The following MYRIP variants were observed in gnomAD, a reference collection of about 807,000 sequenced individuals.
MYRIP encodes myosin VIIA and Rab interacting protein.
MYRIP carries 49 observed loss-of-function variants against 98.0 expected under a neutral mutation model. The ratio of observed to expected loss-of-function variants is 0.50; its 90% CI spans 0.40 to 0.63. The LOEUF (loss-of-function observed/expected upper bound fraction) is 0.63, where lower values mean the gene tolerates loss of function less well. Ranked by LOEUF, MYRIP falls within the 30% of genes least tolerant of loss-of-function variation. The pLI is 0.00. For synonymous variants in MYRIP, 404 were observed against 409.5 expected, an observed-to-expected ratio of 0.99 and a Z score of 0.16; for missense variants, 1,004 against 1,058.2, an observed-to-expected ratio of 0.95 and a Z score of 0.71.
At chr3:40,004,126 C>T (rs578233766) in intron 2 of MYRIP, among the ~76,000 whole-genome samples, 16 of 152,322 alleles carry the variant, frequency 1.1e-4, no homozygotes, top group African/African-American at 3.8e-4. Context: ...AGTTCCTGAA[C>T]CTTCCACTGA....
At position 40,044,118 on chromosome 3, in the gene MYRIP, T is replaced by C; in HGVS notation, c.179T>C (p.Val60Ala). 1 of 1,614,174 alleles carries C rather than the reference T, an allele frequency of 6.2e-7. No individual in the cohort carries two copies. The highest frequency in any genetic ancestry group is 8.5e-7 in the Non-Finnish European group (1 of 1,180,026). The change falls in exon 3 of 17, where the codon GTG becomes GCG. Residue 60 changes from valine to alanine, a missense_variant. Val to Ala is a moderately conservative substitution (Grantham distance 64, BLOSUM62 0). Around this residue, in one of 3 missense-constraint regions of MYRIP, gnomAD observed 880 missense variants for 907.7 expected, o/e 0.97. Transcript: ENST00000302541. ...ATCCTCTCGAAGCACCAGCAGTTTGTGGAGCACTGCTGCATGCGCTGCTGC... is the reference window on the plus strand; with the variant it reads ...ATCCTCTCGAAGCACCAGCAGTTTGCGGAGCACTGCTGCATGCGCTGCTGC... ...CSILSKHQQF[V>A]EHCCMRCCSP...
chr3:40,076,386 G>T (rs1948343339), intron 3 of MYRIP, among the ~76,000 whole-genome samples: 1 of 152,276 alleles, frequency 6.6e-6, no homozygotes, highest in African/African-American at 2.4e-5. Flanking sequence ...TTTTACATTT[G>T]ACTGCATATT....
chr3:39,952,906 A>G (rs1001913383), intron 2 of MYRIP, among the ~76,000 whole-genome samples: 1 of 152,152 alleles, frequency 6.6e-6, no homozygotes, highest in Admixed American at 6.6e-5. Context: ...CACCAGGGAT[A>G]TATATGTAGG....
intron 1 of MYRIP, among the ~76,000 whole-genome samples, chr3:39,835,636 C>T (rs1809251): frequency 0.25 from 38,558 of 152,014 alleles, 5,175 homozygotes; most frequent in Middle Eastern, 0.32. Flanking sequence ...GATATATGTG[C>T]AGAACGTGCA....
At chr3:40,083,343 T>C (rs1388871776) in intron 3 of MYRIP, among the ~76,000 whole-genome samples, 1 of 152,184 alleles carries the variant, frequency 6.6e-6, no homozygotes, top group African/African-American at 2.4e-5. Context: ...AAAGGTAGAT[T>C]TGTCAGTGTT....
chr3:40,159,158 C>T (rs555955205), intron 4 of MYRIP, among the ~76,000 whole-genome samples: 53 of 152,064 alleles, frequency 3.5e-4, no homozygotes, highest in Admixed American at 9.8e-4. Flanking sequence ...ATGTTTAGTG[C>T]TTCCTTCAGG....
chr3:40,205,793 G>T (rs987782546), intron 10 of MYRIP, among the ~76,000 whole-genome samples: 1 of 150,592 alleles, frequency 6.6e-6, no homozygotes, highest in Middle Eastern at 3.2e-3. Flanking sequence ...TCCCTTTGAA[G>T]TAGAAGAGCA....
chr3:40,120,323 G>A (rs1426012137), intron 3 of MYRIP, among the ~76,000 whole-genome samples: 1 of 152,096 alleles, frequency 6.6e-6, no homozygotes, highest in Non-Finnish European at 1.5e-5. Flanking sequence ...AACCAGCTAG[G>A]AGCTTAATTT....
chr3:40,247,033 A>T (rs1953228726), intron 13 of MYRIP, among the ~76,000 whole-genome samples: 1 of 152,236 alleles, frequency 6.6e-6, no homozygotes, highest in Non-Finnish European at 1.5e-5. Context: ...AGATATATTA[A>T]GTAGAATCAA....
In MYRIP at chr3:39,973,551, C is replaced by A. The variant is rs139226848; in HGVS notation, c.111-70499C>A. 5.5e-3 allele frequency among the ~76,000 whole-genome samples: 830 copies of A among 152,234 alleles called. 7 individuals carry two copies. Among genetic ancestry groups the A allele is most frequent in the East Asian group, 0.036 (189 of 5,180 alleles). Reference sequence around the variant, plus strand: ...TGAACTCAGCTCTGCACCAAGCGGACCTAGTAGACATCTACAGAACTCTCC... The same window carrying A: ...TGAACTCAGCTCTGCACCAAGCGGAACTAGTAGACATCTACAGAACTCTCC... On this transcript the variant is annotated intron_variant, in intron 2 of 16. Transcript: ENST00000302541.
At position 40,236,846 on chromosome 3, in the gene MYRIP, GT is replaced by G. The variant is rs35937845; in HGVS notation, c.2100+2804del. Among the ~76,000 whole-genome samples, 675 of 147,372 alleles carry G rather than the reference GT, an allele frequency of 4.6e-3. 2 individuals carry two copies. Among genetic ancestry groups the G allele is most frequent in the Middle Eastern group, 0.029 (8 of 278 alleles). Reference sequence around the variant, plus strand: ...AAATCAGGAATTGTTATTGGAGAGTGTTTTTTTTTTTAAGTAGAAATGGGGT... The same window carrying G: ...AAATCAGGAATTGTTATTGGAGAGTGTTTTTTTTTTAAGTAGAAATGGGGT... On this transcript the variant is annotated intron_variant, in intron 12 of 16. Coordinates refer to ENST00000302541, the MANE Select transcript of MYRIP (RefSeq NM_015460.4).
chr3:39,982,711 T>C (rs1437143866), intron 2 of MYRIP, among the ~76,000 whole-genome samples: 1 of 152,186 alleles, frequency 6.6e-6, no homozygotes, highest in East Asian at 1.9e-4. Flanking sequence ...CTTTTAAAAA[T>C]CTCTCTCTGG....
intron 2 of MYRIP, among the ~76,000 whole-genome samples, chr3:39,993,939 T>G (rs1946265395): frequency 1.3e-5 from 2 of 152,238 alleles, no homozygotes; most frequent in South Asian, 4.1e-4. Flanking sequence ...CAATCATGTT[T>G]CCACTGCTTT....
intron 2 of MYRIP, among the ~76,000 whole-genome samples, chr3:40,011,841 C>T (rs1575463366): frequency 2.0e-5 from 3 of 152,248 alleles, no homozygotes; most frequent in Admixed American, 2.0e-4. Flanking sequence ...GCTACAGCCT[C>T]AAGGTACCCT....
intron 2 of MYRIP, among the ~76,000 whole-genome samples, chr3:40,015,724 G>A (rs1946848947): frequency 6.6e-6 from 1 of 152,186 alleles, no homozygotes; most frequent in South Asian, 2.1e-4. Flanking sequence ...GGACTTCTGT[G>A]CATGCTTGCA....
At chr3:40,251,844 T>C in intron 15 of MYRIP, 37 bp from the exon 16 acceptor site, 1 of 1,422,502 alleles carries the variant, frequency 7.0e-7, no homozygotes. Flanking sequence ...TCAGTCCATC[T>C]TCTGGGTAAC....
In MYRIP at chr3:39,992,103, G is replaced by A. The variant is rs115087626; in HGVS notation, c.111-51947G>A. Among the ~76,000 whole-genome samples the A allele has an allele frequency of 9.9e-3, 1,500 of 152,148 alleles. 30 individuals are homozygous for A. Among genetic ancestry groups the A allele is most frequent in the African/African-American group, 0.034 (1,394 of 41,496 alleles). ...CAGACCACTGCTGCCTTAACATTGCGTGCCACCAAGTATTGACATCACAAT... is the reference window on the plus strand; with the variant it reads ...CAGACCACTGCTGCCTTAACATTGCATGCCACCAAGTATTGACATCACAAT... On this transcript the variant is annotated intron_variant, in intron 2 of 16. Transcript: ENST00000302541.
intron 11 of MYRIP, among the ~76,000 whole-genome samples, chr3:40,232,368 A>AT (rs918767366): frequency 1.3e-5 from 2 of 152,216 alleles, no homozygotes; most frequent in Non-Finnish European, 2.9e-5. Context: ...CTAATTTGTC[A>AT]TTTAGCCCCT....
At chr3:39,887,210 A>G (rs866773379) in intron 1 of MYRIP, among the ~76,000 whole-genome samples, 4 of 152,148 alleles carry the variant, frequency 2.6e-5, no homozygotes, top group Admixed American at 6.5e-5. Flanking sequence ...GGAAATTTGT[A>G]GCACTAAATG....
Sources: allele counts gnomAD v4.1 joint callset (sites outside exome capture counted in the v4.1 genomes callset), GRCh38; gene constraint gnomAD v4.1.1; regional missense constraint gnomAD v4.1.1; transcripts MANE v1.5; gene names NCBI Gene and HGNC (gene_info 2026-07-23, HGNC 2026-07-21).